Variants in PLIN3 observed in about 807,000 individuals in gnomAD.
PLIN3 encodes perilipin-3.
In PLIN3, 30 loss-of-function variants were observed where a neutral mutation model predicts 35.9. The observed-to-expected ratio is 0.84, with a 90% CI of 0.62 to 1.13. The LOEUF (loss-of-function observed/expected upper bound fraction) is 1.13, where lower values mean the gene tolerates loss of function less well. PLIN3 is among the 50% of genes most tolerant of loss of function. The pLI, the probability that PLIN3 is intolerant of heterozygous loss-of-function variation, is 0.00. For missense variants in PLIN3, 603 were observed against 596.9 expected (o/e 1.01, Z -0.11); for synonymous variants, 261 against 262.5 (o/e 0.99, Z 0.06).
At chr19:4,863,911 A>G (rs919854570) in intron 1 of PLIN3, among the ~76,000 whole-genome samples, 2 of 151,892 alleles carry the variant, frequency 1.3e-5, no homozygotes, top group African/African-American at 4.8e-5. Context: ...TAGTCAAGGG[A>G]TAAAATGTGT....
intron 7 of PLIN3, among the ~76,000 whole-genome samples, chr19:4,842,054 T>C (rs2029909310): frequency 6.6e-6 from 1 of 151,824 alleles, no homozygotes; most frequent in South Asian, 2.1e-4. Flanking sequence ...GAAAATTTCC[T>C]TGGCCAGAGA....
intron 1 of PLIN3, among the ~76,000 whole-genome samples, chr19:4,862,428 G>A (rs2030707453): frequency 6.6e-6 from 1 of 152,038 alleles, no homozygotes; most frequent in Non-Finnish European, 1.5e-5. Flanking sequence ...CATTGTGCCT[G>A]GCCAATGGTA....
rs59469893 is a variant in PLIN3, at chr19:4,845,925, CAAAAAA to C, written c.835-1138_835-1133del. Among the ~76,000 whole-genome samples, 8 of 46,654 alleles carry C rather than the reference CAAAAAA, an allele frequency of 1.7e-4. No homozygotes were observed. In the South Asian group the frequency reaches 3.3e-3, roughly 19 times the overall value. 30.6% of individuals were successfully genotyped at this position (46,654 alleles called of 152,430 possible). A position where few individuals can be genotyped will look rare whatever the true frequency, so the allele number is the denominator to read the frequency against. On this transcript the variant is annotated intron_variant, in intron 6 of 7. Transcript: ENST00000221957. Reference sequence around the variant, plus strand: ...TGGGTGACAGAGCGAGACTCCGTCTCAAAAAAAAAAAAAAAAAGGCCGGGCGCGGTG... The same window carrying C: ...TGGGTGACAGAGCGAGACTCCGTCTCAAAAAAAAAAAGGCCGGGCGCGGTG...
At chr19:4,861,750 C>T (rs1174766925) in intron 1 of PLIN3, among the ~76,000 whole-genome samples, 3 of 151,980 alleles carry the variant, frequency 2.0e-5, no homozygotes, top group Non-Finnish European at 1.5e-5. Flanking sequence ...ATTCTCCTGC[C>T]TTAGCCTCCC....
intron 5 of PLIN3, among the ~76,000 whole-genome samples, chr19:4,848,791 C>G (rs544918204): frequency 1.3e-5 from 2 of 151,906 alleles, no homozygotes; most frequent in Non-Finnish European, 2.9e-5. Flanking sequence ...CGCTTGAACC[C>G]GGGAGGTGGA....
In PLIN3 at chr19:4,844,754, C is replaced by T; in HGVS notation, c.874G>A (p.Glu292Lys). ...ATCTGGTGCAGCTTCTCCTGGCCTT[C>T]CACCAGCTTCTGATCAACGCCTTGC... ...VKQGVDQKLV[E>K]GQEKLHQMWL... The change falls in exon 7 of 8, where the codon GAA (glutamate) becomes AAA (lysine). Residue 292 changes from glutamate (E) to lysine (K), a missense_variant. Physicochemically the swap from Glu to Lys is moderately conservative, Grantham distance 56. Transcript: ENST00000221957. 2 of 1,602,910 alleles carry T rather than the reference C, an allele frequency of 1.2e-6. No homozygotes were observed. Among genetic ancestry groups the T allele is most frequent in the Non-Finnish European group, 8.5e-7 (1 of 1,175,058 alleles).
intron 5 of PLIN3, among the ~76,000 whole-genome samples, chr19:4,848,582 G>A (rs758246216): frequency 2.6e-5 from 4 of 152,138 alleles, no homozygotes; most frequent in Middle Eastern, 3.4e-3. Flanking sequence ...TTATAATACC[G>A]TAGGCCGGGT....
chr19:4,839,649 C>T (rs1041083133), intron 7 of PLIN3, 113 bp from the exon 8 acceptor site: 28 of 744,612 alleles, frequency 3.8e-5, no homozygotes, highest in Non-Finnish European at 4.7e-5. Context: ...TTGGGGCAAA[C>T]GCTTTCCATA....
At chr19:4,850,361 C>T (rs556303103) in intron 5 of PLIN3, among the ~76,000 whole-genome samples, 1 of 151,972 alleles carries the variant, frequency 6.6e-6, no homozygotes, top group East Asian at 1.9e-4. Context: ...ACTGCAACCT[C>T]TGCCTCCCAA....
chr19:4,867,432 G>A (rs1349642997), intron 1 of PLIN3, among the ~76,000 whole-genome samples, 177 bp downstream of exon 1: 1 of 152,172 alleles, frequency 6.6e-6, no homozygotes, highest in Non-Finnish European at 1.5e-5. Flanking sequence ...CGTTGCAGAA[G>A]TTGGATTTTT....
chr19:4,847,889 G>A lies in PLIN3; in HGVS notation c.636C>T (p.Ala212=), dbSNP rs1395469326. Residue 212 remains alanine, a splice_region_variant and synonymous_variant, in exon 6 of 8, where the codon GCC becomes GCT. Transcript: ENST00000221957. ...AGCCATCCAGGGATGTGGCGATGCG[G>A]GCTGCAAGGAAAAGGAGAAGGGTCT... ...NHLPLTDAEL[A]RIATSLDGFD... 1.1e-5 allele frequency: 17 copies of A among 1,612,276 alleles called. No homozygotes were observed. The highest frequency in any genetic ancestry group is 1.4e-5 in the Non-Finnish European group (16 of 1,179,120).
chr19:4,859,869 A>C lies in PLIN3; in HGVS notation c.222T>G (p.Ala74=). Residue 74 remains alanine (A), a synonymous_variant, in exon 3 of 8, where the codon GCT becomes GCG. Transcript: ENST00000221957. ...EKGVRTLTAA[A]VSGAQPILSK... Reference sequence around the variant, plus strand: ...AGAGGATCGGCTGAGCCCCGCTGACAGCAGCCGCCGTGAGGGTCCTCACTC... The same window carrying C: ...AGAGGATCGGCTGAGCCCCGCTGACCGCAGCCGCCGTGAGGGTCCTCACTC... The C allele has an allele frequency of 6.2e-7, 1 of 1,613,248 alleles. No individual in the cohort carries two copies. The highest frequency in any genetic ancestry group is 2.2e-5 in the East Asian group (1 of 44,864).
At chr19:4,847,500 C>A (rs984289673) in intron 6 of PLIN3, among the ~76,000 whole-genome samples, 191 bp downstream of exon 6, 7 of 152,018 alleles carry the variant, frequency 4.6e-5, no homozygotes, top group African/African-American at 1.7e-4. Context: ...CCACTGTGCC[C>A]GGCCCCAGAC....
At chr19:4,855,276 C>G (rs900379456) in intron 4 of PLIN3, among the ~76,000 whole-genome samples, 4 of 93,360 alleles carry the variant, frequency 4.3e-5, no homozygotes, top group African/African-American at 1.6e-4. Context: ...AAAAAAAAAG[C>G]TCCCAGCTGC....
rs749706995 is a variant in PLIN3 at position 4,847,825 on chromosome 19, T to A, written c.700A>T (p.Ser234Cys). The A allele has an allele frequency of 6.2e-7, 1 of 1,613,868 alleles. No homozygotes were observed. Among genetic ancestry groups the A allele is most frequent in the Non-Finnish European group, 8.5e-7 (1 of 1,179,948 alleles). ...AGGGAGCCCAGACGTACGAAGTAGC[T>A]CTGTTCCTGCCGCTGCTGCTGCACG... ...ASVQQQRQEQ[S>C]YFVRLGSLSE... The change falls in exon 6 of 8, where the codon AGC becomes TGC. Residue 234 changes from serine to cysteine, a missense_variant. Coordinates refer to ENST00000221957, the MANE Select transcript of PLIN3 (RefSeq NM_005817.5).
chr19:4,863,296 G>A (rs751107235), intron 1 of PLIN3, among the ~76,000 whole-genome samples: 14 of 151,906 alleles, frequency 9.2e-5, no homozygotes, highest in African/African-American at 2.9e-4. Context: ...TCAGGAGTTC[G>A]AGACCAGCCT....
At chr19:4,866,867 G>A (rs1439850360) in intron 1 of PLIN3, 1 of 152,444 alleles carries the variant, frequency 6.6e-6, no homozygotes, top group African/African-American at 2.4e-5. Flanking sequence ...ACCCCTGGGG[G>A]TCAGTGACCT....
intron 7 of PLIN3, among the ~76,000 whole-genome samples, chr19:4,840,387 CCTGACTACAGGCA>C (rs2029876099): frequency 7.4e-6 from 1 of 135,126 alleles, no homozygotes; most frequent in Non-Finnish European, 1.6e-5. Context: ...TTTCAGCCTG[CCTGACTACAGGCA>C]CTCACTACCA....
chr19:4,858,701 G>GT (rs1238404775), intron 4 of PLIN3, among the ~76,000 whole-genome samples: 22,439 of 77,942 alleles, frequency 0.29, 2,604 homozygotes, highest in East Asian at 0.45. Context: ...TGTTTTTTTG[G>GT]TTTTTTTTTT....
Sources: allele counts gnomAD v4.1 joint callset (sites outside exome capture counted in the v4.1 genomes callset), GRCh38; gene constraint gnomAD v4.1.1; transcripts MANE v1.5; gene names NCBI Gene and HGNC (gene_info 2026-07-23, HGNC 2026-07-21).